The following DST variants were observed in gnomAD, a reference collection of about 807,000 sequenced individuals.
DST encodes bullous pemphigoid antigen.
DST carries 253 observed loss-of-function variants against 875.2 expected under a neutral mutation model. That is an observed-to-expected ratio of 0.29 (90% CI 0.26 to 0.32). The LOEUF is 0.32. DST is among the 10% of genes least tolerant of loss of function. The probability of loss-of-function intolerance (pLI) is 1.00; values close to 1 mark genes in which losing one functional copy is unlikely to be tolerated. For synonymous variants in DST, 3,124 were observed against 3,197.1 expected, an observed-to-expected ratio of 0.98 and a Z score of 0.77; for missense variants, 8,287 against 9,111.6, an observed-to-expected ratio of 0.91 and a Z score of 3.68.
chr6:56,492,182 GTGGTT>G lies in DST; in HGVS notation c.20757+40_20757+44del, dbSNP rs757770395. ...ATAACATATATTTCAACAGCAAGAA[GTGGTT>G]TATTGACAAGTTCAGAGAATTTTTC... is the stretch of plus-strand genomic sequence containing the variant. On this transcript the variant is annotated intron_variant, in intron 85 of 103. Coordinates refer to ENST00000680361, the MANE Select transcript of DST (RefSeq NM_001374736.1). 11 of 1,489,126 alleles carry G rather than the reference GTGGTT, an allele frequency of 7.4e-6. No homozygotes were observed. In the African/African-American group the frequency reaches 1.5e-4, roughly 21 times the overall value. The allele number at this position is 1,489,126 out of a possible 1,614,324, so 92.2% of individuals were successfully genotyped here. A position where few individuals can be genotyped will look rare whatever the true frequency, so the allele number is the denominator to read the frequency against.
intron 3 of DST, among the ~76,000 whole-genome samples, chr6:56,890,945 A>C (rs1194617351): frequency 6.6e-6 from 1 of 152,246 alleles, no homozygotes; most frequent in African/African-American, 2.4e-5. Flanking sequence ...CTATAATCAG[A>C]GTTGCTTTCA....
rs776468147 is a variant in DST at position 56,463,144 on chromosome 6, A to C, written c.22972T>G (p.Leu7658Val). Residue 7658 changes from leucine to valine, a missense_variant, in exon 102 of 104, where the codon TTA becomes GTA. This residue lies in a region of DST where 240 missense variants were observed against 237.3 expected (regional missense o/e 1.01). Coordinates refer to ENST00000680361, the MANE Select transcript of DST (RefSeq NM_001374736.1). ...ATTTPKILHP[L>V]TRNYGKPWLT... ...CATGGTTTACCATAATTGCGTGTTAAAGGATGGAGAATCTGTATGGAACAA... is the reference window on the plus strand; with the variant it reads ...CATGGTTTACCATAATTGCGTGTTACAGGATGGAGAATCTGTATGGAACAA... 1 of 1,606,724 alleles carries C rather than the reference A, an allele frequency of 6.2e-7. No individual in the cohort carries two copies. The highest frequency in any genetic ancestry group is 8.5e-7 in the Non-Finnish European group (1 of 1,173,340).
chr6:56,800,175 G>A (rs372677240), intron 4 of DST, among the ~76,000 whole-genome samples: 1 of 152,136 alleles, frequency 6.6e-6, no homozygotes, highest in African/African-American at 2.4e-5. Context: ...TGTGGGAACC[G>A]AGTAGACAAA....
chr6:56,908,885 G>T (rs1275362839), intron 2 of DST, among the ~76,000 whole-genome samples: 2 of 152,156 alleles, frequency 1.3e-5, no homozygotes, highest in African/African-American at 2.4e-5. Context: ...ACCCTATATG[G>T]TCTAAAAGGG....
At chr6:56,614,285 G>A in intron 37 of DST, 71 bp downstream of exon 37, 1 of 1,380,050 alleles carries the variant, frequency 7.2e-7, no homozygotes, top group Non-Finnish European at 9.8e-7. Flanking sequence ...CATTGTGCTA[G>A]GTAAACTGTG....
chr6:56,499,866 T>C (rs2096062156), intron 80 of DST, among the ~76,000 whole-genome samples: 1 of 152,146 alleles, frequency 6.6e-6, no homozygotes, highest in African/African-American at 2.4e-5. Context: ...AAACATATTT[T>C]GTTGCTAGGC....
In DST at chr6:56,572,202, T is replaced by TCC; in HGVS notation, c.13617_13618dup (p.Glu4540GlyfsTer40). On this transcript the variant is annotated frameshift_variant, in exon 53 of 104. Transcript: ENST00000680361. LOFTEE classifies it high-confidence loss of function. ...ACTTGGTAAGCCATGGCTGGATATC[T>TCC]CCTTCAAGAGACTATGCAAAACTTC... 1 of 1,574,720 alleles carries TCC rather than the reference T, an allele frequency of 6.4e-7. No homozygotes were observed. The highest frequency in any genetic ancestry group is 8.6e-7 in the Non-Finnish European group (1 of 1,159,422).
intron 4 of DST, among the ~76,000 whole-genome samples, chr6:56,784,417 T>C (rs1257482355): frequency 3.3e-5 from 5 of 152,314 alleles, no homozygotes; most frequent in South Asian, 4.1e-4. Context: ...GGAGGCTTTG[T>C]TCATTTCTTT....
intron 75 of DST, 145 bp from the exon 76 acceptor site, chr6:56,506,934 T>C: frequency 1.2e-6 from 1 of 850,504 alleles, no homozygotes; most frequent in East Asian, 2.8e-5. Context: ...CAATAAATTT[T>C]TTCAACAAGA....
chr6:56,641,438 A>C lies in DST; in HGVS notation c.2027+509T>G, dbSNP rs139481942. Among the ~76,000 whole-genome samples the C allele has an allele frequency of 9.6e-3, 1,454 of 152,192 alleles. 23 individuals are homozygous for C. Among genetic ancestry groups the C allele is most frequent in the African/African-American group, 0.033 (1,377 of 41,526 alleles). The stretch of plus-strand genomic sequence containing the variant: ...CCTGCCTCCACTAAAAATACAAAAA[A>C]TTAGCCAGGTGTGGTGGCGGGTGCC... On this transcript the variant is annotated intron_variant, in intron 17 of 103. Coordinates refer to ENST00000680361, the MANE Select transcript of DST (RefSeq NM_001374736.1).
At position 56,552,464 on chromosome 6, in the gene DST, T is replaced by C. The variant is rs1048959996; in HGVS notation, c.16328A>G (p.Asn5443Ser). 13 of 1,613,882 alleles carry C rather than the reference T, an allele frequency of 8.1e-6. No individual in the cohort carries two copies. Among genetic ancestry groups the C allele is most frequent in the South Asian group, 4.4e-5 (4 of 91,080 alleles). The change falls in exon 61 of 104, where the codon AAT (asparagine) becomes AGT (serine). Residue 5443 changes from asparagine (N) to serine (S), a missense_variant. By Grantham distance (46) the Asn-to-Ser change is conservative. Around this residue, in one of 10 missense-constraint regions of DST, gnomAD observed 777 missense variants for 764.8 expected, o/e 1.02. Coordinates refer to ENST00000680361, the MANE Select transcript of DST (RefSeq NM_001374736.1). ...GGCTAACATCATCTTGCAGGTTTTA[T>C]TGGCATTGTCATTGCTTGCCATGAG... Reference protein sequence around the residue: ...EALMASNDNANKTCKMMLATE... With the variant: ...EALMASNDNASKTCKMMLATE...
intron 72 of DST, among the ~76,000 whole-genome samples, chr6:56,515,067 T>C (rs1327239585): frequency 6.6e-6 from 1 of 152,220 alleles, no homozygotes; most frequent in Non-Finnish European, 1.5e-5. Flanking sequence ...TGTATAATGG[T>C]TCTCCCATAT....
At position 56,639,611 on chromosome 6, in the gene DST, T is replaced by C. The variant is rs1430373843; in HGVS notation, c.2698A>G (p.Asn900Asp). The C allele has an allele frequency of 1.2e-6, 2 of 1,613,722 alleles. No homozygotes were observed. The highest frequency in any genetic ancestry group is 8.5e-7 in the Non-Finnish European group (1 of 1,179,892). The change falls in exon 21 of 104, where the codon AAT becomes GAT. Residue 900 changes from asparagine to aspartate, a missense_variant and splice_region_variant. Asn to Asp is a conservative substitution (Grantham distance 23, BLOSUM62 1). This residue lies in a region of DST where 1,160 missense variants were observed against 1,424.3 expected (regional missense o/e 0.81). Coordinates refer to ENST00000680361, the MANE Select transcript of DST (RefSeq NM_001374736.1). ...TGCCGTTCTTGATTCCTGGATGTAT[T>C]CTTTAGTAAGGAAAATCATCATAAG... ...RLESQYAKLL[N>D]TSRNQERHLD...
At chr6:56,754,053 A>C (rs1434791232) in intron 4 of DST, among the ~76,000 whole-genome samples, 1 of 152,222 alleles carries the variant, frequency 6.6e-6, no homozygotes, top group African/African-American at 2.4e-5. Context: ...AATTCACTTC[A>C]TACCACTGAT....
intron 72 of DST, among the ~76,000 whole-genome samples, chr6:56,513,325 G>A (rs759540324): frequency 6.6e-6 from 1 of 151,666 alleles, no homozygotes; most frequent in Admixed American, 6.6e-5. Context: ...CCGCCTCCCA[G>A]GTTCAAGTGA....
At chr6:56,953,763 G>A in intron 2 of DST, 22 bp downstream of exon 2, 1 of 1,310,618 alleles carries the variant, frequency 7.6e-7, no homozygotes, top group Non-Finnish European at 1.0e-6. Flanking sequence ...CTGACCTTGA[G>A]CGTGCGCGCT....
intron 9 of DST, among the ~76,000 whole-genome samples, chr6:56,681,671 T>C (rs944174269): frequency 6.6e-6 from 1 of 152,242 alleles, no homozygotes; most frequent in African/African-American, 2.4e-5. Flanking sequence ...TGAAAGATAA[T>C]GTCTTATTTG....
chr6:56,567,200 A>G (rs970525953), intron 55 of DST, among the ~76,000 whole-genome samples: 13 of 152,234 alleles, frequency 8.5e-5, no homozygotes, highest in African/African-American at 3.1e-4. Flanking sequence ...GAATATTAAA[A>G]TATCAGTTAG....
rs2098522803 is a variant in DST, at chr6:56,609,097, A to G, written c.5531T>C (p.Ile1844Thr). 4.3e-6 allele frequency: 7 copies of G among 1,613,654 alleles called. No homozygotes were observed. Among genetic ancestry groups the G allele is most frequent in the Non-Finnish European group, 5.9e-6 (7 of 1,179,770 alleles). The change falls in exon 40 of 104, where the codon ATT becomes ACT. Residue 1844 changes from isoleucine (I) to threonine (T), a missense_variant. This residue lies in a region of DST where 3,138 missense variants were observed against 3,116.6 expected (regional missense o/e 1.01). Transcript: ENST00000680361. ...TGTGGTAGGTGACGCAGCAGAAATA[A>G]TCTCCTTAGCTTTACTTAGTTCTTT... The part of the protein sequence containing the change: ...QLKELSKAKE[I>T]ISAASPTTIP...
Sources: gnomAD v4.1 joint callset for allele counts (sites outside exome capture counted in the v4.1 genomes callset) on GRCh38, gnomAD v4.1.1 for gene constraint, gnomAD v4.1.1 regional missense constraint, MANE v1.5 for transcripts, NCBI Gene and HGNC (gene_info 2026-07-23, HGNC 2026-07-21) for gene names.